Variants in TGFBR2 observed in about 807,000 individuals in gnomAD.
The protein encoded by TGFBR2 is TGF-beta receptor type-2.
Under a neutral mutation model 49.0 loss-of-function variants are expected in TGFBR2, and 18 were observed. The ratio of observed to expected loss-of-function variants is 0.37; its 90% CI spans 0.25 to 0.54. The LOEUF (loss-of-function observed/expected upper bound fraction) is 0.54. TGFBR2 is among the 20% of genes least tolerant of loss of function. The pLI is 0.85. For synonymous variants in TGFBR2, 282 were observed against 275.9 expected (o/e 1.02, Z -0.22); for missense variants, 525 against 722.6 (o/e 0.73, Z 3.13).
chr3:30,623,009 A>G (rs570830863), intron 1 of TGFBR2, among the ~76,000 whole-genome samples: 117 of 152,242 alleles, frequency 7.7e-4, no homozygotes, highest in Non-Finnish European at 8.1e-4. Flanking sequence ...TGGGTGAAAG[A>G]TCACCAGAGG....
chr3:30,631,621 C>CTTTTTTT (rs71093918), intron 1 of TGFBR2, among the ~76,000 whole-genome samples: 35 of 115,330 alleles, frequency 3.0e-4, no homozygotes, highest in Admixed American at 6.3e-4. Context: ...CAACTTCTTT[C>CTTTTTTT]TTTTTTTTTT....
chr3:30,665,888 T>C (rs765749132), intron 3 of TGFBR2, among the ~76,000 whole-genome samples: 2 of 152,174 alleles, frequency 1.3e-5, no homozygotes, highest in Non-Finnish European at 2.9e-5. Context: ...TACATTGAAA[T>C]ACAATGACCA....
intron 1 of TGFBR2, among the ~76,000 whole-genome samples, chr3:30,634,056 A>G (rs1453534596): frequency 6.6e-6 from 1 of 152,192 alleles, no homozygotes; most frequent in Non-Finnish European, 1.5e-5. Context: ...GTAATTGAAA[A>G]ACCTTTCAGG....
At chr3:30,637,782 TA>T (rs889761903) in intron 1 of TGFBR2, among the ~76,000 whole-genome samples, 88 of 149,688 alleles carry the variant, frequency 5.9e-4, no homozygotes, top group Middle Eastern at 6.9e-3. Flanking sequence ...GATGAGTGGT[TA>T]AAAAAAAAAC....
At position 30,693,965 on chromosome 3, in the gene TGFBR2, T is replaced by G; in HGVS notation, c.*2366T>G. On this transcript the variant is annotated 3_prime_UTR_variant, in exon 7 of 7. Coordinates refer to ENST00000295754, the MANE Select transcript of TGFBR2 (RefSeq NM_003242.6). The stretch of plus-strand genomic sequence containing the variant: ...CTTTTATGGAACACTTCAGCTGTAC[T>G]CATGTATTAAAATAGGAATGTGAAT... 1 of 230,000 alleles carries G rather than the reference T, an allele frequency of 4.3e-6. No individual in the cohort carries two copies. Among genetic ancestry groups the G allele is most frequent in the East Asian group, 6.2e-5 (1 of 16,120 alleles). The allele number at this position is 230,000 out of a possible 1,614,324, so 14.2% of individuals were successfully genotyped here. A position where few individuals can be genotyped will look rare whatever the true frequency, so the allele number is the denominator to read the frequency against.
At chr3:30,685,308 G>A (rs1287587394) in intron 5 of TGFBR2, among the ~76,000 whole-genome samples, 1 of 152,198 alleles carries the variant, frequency 6.6e-6, no homozygotes, top group Non-Finnish European at 1.5e-5. Flanking sequence ...ACAAGAAGGG[G>A]CTACATCAAG....
chr3:30,648,453 CACACACACAA>C (rs1453236456), intron 2 of TGFBR2, among the ~76,000 whole-genome samples: 5 of 136,874 alleles, frequency 3.7e-5, no homozygotes, highest in East Asian at 2.4e-4. Flanking sequence ...CACACACACA[CACACACACAA>C]AACTGTGGGG....
In TGFBR2 at chr3:30,692,968, C is replaced by G; in HGVS notation, c.*1369C>G. 1 of 233,270 alleles carries G rather than the reference C, an allele frequency of 4.3e-6. No individual in the cohort carries two copies. Among genetic ancestry groups the G allele is most frequent in the East Asian group, 6.0e-5 (1 of 16,676 alleles). 14.5% of individuals were successfully genotyped at this position (233,270 alleles called of 1,614,324 possible). ...AACATTAGCTCTTTCCACTGCCTAC[C>G]TGGACCCCAGTCTAGGAATTAAATC... On this transcript the variant is annotated 3_prime_UTR_variant, in exon 7 of 7. Transcript: ENST00000295754.
At chr3:30,607,061 C>T (rs1033440490) in intron 1 of TGFBR2, 84 bp downstream of exon 1, 19 of 1,179,882 alleles carry the variant, frequency 1.6e-5, no homozygotes, top group Admixed American at 4.5e-5. Flanking sequence ...GACAGTCGGG[C>T]CCGGCAACCC....
chr3:30,652,167 C>T (rs957899438), intron 3 of TGFBR2, among the ~76,000 whole-genome samples: 3 of 151,008 alleles, frequency 2.0e-5, no homozygotes, highest in Admixed American at 6.6e-5. Context: ...CCAGATTACT[C>T]TTCCTTCCTA....
intron 2 of TGFBR2, among the ~76,000 whole-genome samples, chr3:30,649,399 C>G (rs1156394248): frequency 1.3e-5 from 2 of 152,128 alleles, no homozygotes; most frequent in Admixed American, 6.6e-5. Flanking sequence ...GTTTAAAAAT[C>G]TAATGTACAC....
At chr3:30,635,594 T>C (rs1287699855) in intron 1 of TGFBR2, among the ~76,000 whole-genome samples, 1 of 152,218 alleles carries the variant, frequency 6.6e-6, no homozygotes, top group Admixed American at 6.5e-5. Context: ...TTTCATTCCG[T>C]AGAAGACTAA....
At chr3:30,622,790 G>C (rs1392388795) in intron 1 of TGFBR2, among the ~76,000 whole-genome samples, 1 of 143,020 alleles carries the variant, frequency 7.0e-6, no homozygotes, top group African/African-American at 2.6e-5. Flanking sequence ...TGAGCCAGGA[G>C]AATCACTTGA....
chr3:30,674,797 C>T (rs1388535345), intron 5 of TGFBR2, among the ~76,000 whole-genome samples: 1 of 152,032 alleles, frequency 6.6e-6, no homozygotes, highest in Admixed American at 6.5e-5. Flanking sequence ...CTTAAGCCTG[C>T]AAGACTGATT....
chr3:30,624,967 T>A (rs1476683658), intron 1 of TGFBR2, among the ~76,000 whole-genome samples: 2 of 152,210 alleles, frequency 1.3e-5, no homozygotes, highest in South Asian at 2.1e-4. Context: ...GTTCATGGAT[T>A]TATAATTGGA....
At chr3:30,612,339 G>A (rs773686030) in intron 1 of TGFBR2, among the ~76,000 whole-genome samples, 23 of 152,120 alleles carry the variant, frequency 1.5e-4, no homozygotes, top group Admixed American at 7.2e-4. Context: ...TGTGGCCCAA[G>A]CTTCTTGTGC....
intron 5 of TGFBR2, among the ~76,000 whole-genome samples, chr3:30,677,293 G>A (rs997097987): frequency 6.6e-6 from 1 of 152,144 alleles, no homozygotes; most frequent in Admixed American, 6.5e-5. Context: ...GTTTTCCCAA[G>A]GAAGGAACAG....
At chr3:30,655,554 A>T (rs1437093164) in intron 3 of TGFBR2, among the ~76,000 whole-genome samples, 1 of 152,236 alleles carries the variant, frequency 6.6e-6, no homozygotes, top group Non-Finnish European at 1.5e-5. Flanking sequence ...GCAGCTAAAT[A>T]AAACTGAAAC....
At chr3:30,682,012 C>G (rs147930160) in intron 5 of TGFBR2, among the ~76,000 whole-genome samples, 3 of 152,312 alleles carry the variant, frequency 2.0e-5, no homozygotes, top group Non-Finnish European at 4.4e-5. Flanking sequence ...TACCACCTGA[C>G]TCAAAGGAAG....
Sources: allele counts gnomAD v4.1 joint callset (sites outside exome capture counted in the v4.1 genomes callset), GRCh38; gene constraint gnomAD v4.1.1; transcripts MANE v1.5; gene names NCBI Gene and HGNC (gene_info 2026-07-23, HGNC 2026-07-21).